Variants in FBXL7 observed in about 807,000 individuals in gnomAD.
The protein encoded by FBXL7 is F-box and leucine rich repeat protein 7.
FBXL7 carries 12 observed loss-of-function variants against 38.3 expected under a neutral mutation model. That is an observed-to-expected ratio of 0.31 (90% CI 0.20 to 0.51). The LOEUF is 0.51. Among genes scored for constraint, FBXL7 ranks in the 20% least tolerant of loss-of-function variants. FBXL7 has a pLI of 0.98. For synonymous variants in FBXL7, 297 were observed against 300.9 expected, an observed-to-expected ratio of 0.99 and a Z score of 0.13; for missense variants, 567 against 676.4, an observed-to-expected ratio of 0.84 and a Z score of 1.79.
intron 2 of FBXL7, among the ~76,000 whole-genome samples, chr5:15,799,803 G>A (rs963978277): frequency 2.2e-4 from 34 of 152,176 alleles, no homozygotes; most frequent in Non-Finnish European, 4.4e-5. Flanking sequence ...CCATCATCTG[G>A]CAAAATGTAC....
intron 1 of FBXL7, among the ~76,000 whole-genome samples, chr5:15,570,853 G>T (rs576608970): frequency 1.3e-5 from 2 of 152,276 alleles, no homozygotes; most frequent in African/African-American, 4.8e-5. Flanking sequence ...AGCACTTTGG[G>T]AGGCCAGGGC....
chr5:15,792,980 A>C (rs1403510299), intron 2 of FBXL7, among the ~76,000 whole-genome samples: 2 of 152,068 alleles, frequency 1.3e-5, no homozygotes, highest in Admixed American at 1.3e-4. Context: ...GGGGAAGGGG[A>C]AGATTAGGTA....
intron 2 of FBXL7, among the ~76,000 whole-genome samples, chr5:15,915,540 G>A (rs1405651616): frequency 6.6e-6 from 1 of 152,190 alleles, no homozygotes; most frequent in Non-Finnish European, 1.5e-5. Flanking sequence ...ATTGGATTAA[G>A]AGTCTACTCT....
At chr5:15,826,597 T>C (rs1281949305) in intron 2 of FBXL7, among the ~76,000 whole-genome samples, 1 of 152,062 alleles carries the variant, frequency 6.6e-6, no homozygotes, top group Non-Finnish European at 1.5e-5. Flanking sequence ...TTTTGTATTT[T>C]CAGTAAAGAC....
At chr5:15,915,823 G>A (rs1741569840) in intron 2 of FBXL7, among the ~76,000 whole-genome samples, 1 of 152,190 alleles carries the variant, frequency 6.6e-6, no homozygotes, top group African/African-American at 2.4e-5. Context: ...CAGTTAACGA[G>A]TTGTTGAAAG....
intron 1 of FBXL7, among the ~76,000 whole-genome samples, chr5:15,596,849 T>C (rs973005694): frequency 3.3e-5 from 5 of 152,204 alleles, no homozygotes; most frequent in Non-Finnish European, 7.3e-5. Context: ...AGAGAGGGCA[T>C]GGACGCTCCA....
chr5:15,751,031 AATG>A (rs747657739), intron 2 of FBXL7, among the ~76,000 whole-genome samples: 1 of 152,200 alleles, frequency 6.6e-6, no homozygotes, highest in Non-Finnish European at 1.5e-5. Context: ...ATTGAAAAAG[AATG>A]ATGATTTTTT....
At chr5:15,578,359 A>AAG (rs1491269191) in intron 1 of FBXL7, among the ~76,000 whole-genome samples, 1 of 152,124 alleles carries the variant, frequency 6.6e-6, no homozygotes. Context: ...TGTCGCTCCC[A>AAG]AGAGAGAGAG....
intron 2 of FBXL7, among the ~76,000 whole-genome samples, chr5:15,721,671 T>C (rs1443921908): frequency 3.3e-5 from 5 of 152,266 alleles, no homozygotes; most frequent in African/African-American, 9.6e-5. Context: ...CTTCCTACTA[T>C]GCCATTTCTG....
chr5:15,552,595 C>A (rs891879893), intron 1 of FBXL7, among the ~76,000 whole-genome samples: 1 of 152,204 alleles, frequency 6.6e-6, no homozygotes, highest in African/African-American at 2.4e-5. Context: ...TCATATTTTT[C>A]TCCTCTGTAT....
At chr5:15,604,811 TC>T (rs1208531252) in intron 1 of FBXL7, among the ~76,000 whole-genome samples, 2 of 152,168 alleles carry the variant, frequency 1.3e-5, no homozygotes, top group Non-Finnish European at 2.9e-5. Context: ...CTTCCGGCTC[TC>T]TCCATCTCAG....
At chr5:15,819,032 C>T (rs1738098468) in intron 2 of FBXL7, among the ~76,000 whole-genome samples, 1 of 152,118 alleles carries the variant, frequency 6.6e-6, no homozygotes, top group South Asian at 2.1e-4. Context: ...AAAAGACAAT[C>T]ATAGGGAAGC....
At chr5:15,699,620 A>AGGAGTATGT (rs1743461044) in intron 2 of FBXL7, among the ~76,000 whole-genome samples, 1 of 152,236 alleles carries the variant, frequency 6.6e-6, no homozygotes, top group East Asian at 1.9e-4. Context: ...TGCAGAAAGA[A>AGGAGTATGT]GGAGTATGTG....
At chr5:15,686,038 A>G (rs1316308084) in intron 2 of FBXL7, among the ~76,000 whole-genome samples, 1 of 152,178 alleles carries the variant, frequency 6.6e-6, no homozygotes, top group Admixed American at 6.5e-5. Flanking sequence ...AGCAGCAACC[A>G]GGTGTGGTTT....
intron 2 of FBXL7, among the ~76,000 whole-genome samples, chr5:15,869,129 A>G (rs1320569229): frequency 6.6e-6 from 1 of 152,202 alleles, no homozygotes; most frequent in African/African-American, 2.4e-5. Flanking sequence ...TCTCATTAAA[A>G]TGGACAAGCC....
At chr5:15,765,185 AG>A (rs1736553100) in intron 2 of FBXL7, among the ~76,000 whole-genome samples, 1 of 152,148 alleles carries the variant, frequency 6.6e-6, no homozygotes, top group Admixed American at 6.6e-5. Context: ...ACGAACAGGC[AG>A]TGGCAGCCGG....
In FBXL7 at chr5:15,803,651, T is replaced by C. The variant is rs1357764362; in HGVS notation, c.128-124239T>C. On this transcript the variant is annotated intron_variant, in intron 2 of 3. Transcript: ENST00000504595. Reference sequence around the variant, plus strand: ...GTGTCACATTTCATGCAACCCCCGATGTAAAAATTTATTAGATGACCTACC... The same window carrying C: ...GTGTCACATTTCATGCAACCCCCGACGTAAAAATTTATTAGATGACCTACC... Among the ~76,000 whole-genome samples, 6 of 152,150 alleles carry C rather than the reference T, an allele frequency of 3.9e-5. No individual in the cohort carries two copies. In the East Asian group the frequency reaches 9.7e-4, roughly 25 times the overall value.
intron 1 of FBXL7, among the ~76,000 whole-genome samples, chr5:15,551,323 A>G (rs1267885302): frequency 6.6e-6 from 1 of 152,154 alleles, no homozygotes; most frequent in Non-Finnish European, 1.5e-5. Context: ...CAACGTTTGA[A>G]TAGTTCCCCT....
rs58451844 is a variant in FBXL7 at position 15,870,563 on chromosome 5, T to G, written c.128-57327T>G. Among the ~76,000 whole-genome samples the G allele has an allele frequency of 7.1e-3, 1,079 of 152,152 alleles. 23 individuals carry two copies. Among genetic ancestry groups the G allele is most frequent in the African/African-American group, 0.025 (1,026 of 41,526 alleles). On this transcript the variant is annotated intron_variant, in intron 2 of 3. Coordinates refer to ENST00000504595, the MANE Select transcript of FBXL7 (RefSeq NM_012304.5). ...GGGAAATTTAGTAAGAAAAAGATGG[T>G]GGGGGGATTACTCAAACATGTTCAT...
Sources: gnomAD v4.1 joint callset for allele counts (sites outside exome capture counted in the v4.1 genomes callset) on GRCh38, gnomAD v4.1.1 for gene constraint, MANE v1.5 for transcripts, NCBI Gene and HGNC (gene_info 2026-07-23, HGNC 2026-07-21) for gene names.